Variants in THAP4 observed in about 807,000 individuals in gnomAD.
THAP4 encodes peroxynitrite isomerase THAP4.
Under a neutral mutation model 48.1 loss-of-function variants are expected in THAP4, and 18 were observed. The ratio of observed to expected loss-of-function variants is 0.37; its 90% CI spans 0.26 to 0.56. The LOEUF (loss-of-function observed/expected upper bound fraction) is 0.56. Ranked by LOEUF, THAP4 falls within the 20% of genes least tolerant of loss-of-function variation. The pLI, the probability that THAP4 is intolerant of heterozygous loss-of-function variation, is 0.78. For synonymous variants in THAP4, 345 were observed against 324.9 expected (o/e 1.06, Z -0.66); for missense variants, 656 against 774.9 (o/e 0.85, Z 1.82).
chr2:241,634,070 TA>T lies in THAP4; in HGVS notation c.86del (p.Leu29GlnfsTer7). On this transcript the variant is annotated frameshift_variant, in exon 2 of 6. Coordinates refer to ENST00000407315, the MANE Select transcript of THAP4 (RefSeq NM_015963.6). LOFTEE classifies it high-confidence loss of function. ...KRAVSFHRFP[L>X]KDSKRLIQWL... The stretch of plus-strand genomic sequence containing the variant: ...ATTGGATTAGACGTTTTGAGTCCTT[TA>T]GGGGGAACCTACAGGACAAATGACA... 3 of 1,568,922 alleles carry T rather than the reference TA, an allele frequency of 1.9e-6. No individual in the cohort carries two copies. Among genetic ancestry groups the T allele is most frequent in the Non-Finnish European group, 2.6e-6 (3 of 1,156,672 alleles).
chr2:241,603,944 G>A (rs2125077843), intron 3 of THAP4, among the ~76,000 whole-genome samples: 1 of 149,616 alleles, frequency 6.7e-6, no homozygotes, highest in East Asian at 2.0e-4. Flanking sequence ...TTGAGCCTAG[G>A]AATTTGAGAC....
chr2:241,620,065 G>C (rs1308573876), intron 2 of THAP4, among the ~76,000 whole-genome samples: 1 of 83,576 alleles, frequency 1.2e-5, no homozygotes, highest in African/African-American at 4.5e-5. Context: ...GTGAGTGAGG[G>C]GTGAGTGAGT....
In THAP4 at chr2:241,610,465, C is replaced by T. The variant is rs932150902; in HGVS notation, c.1241-3992G>A. Among the ~76,000 whole-genome samples the T allele has an allele frequency of 1.6e-4, 25 of 152,180 alleles. No individual in the cohort carries two copies. The highest frequency in any genetic ancestry group is 1.6e-3 in the Admixed American group (25 of 15,282). ...GGTGGGGCGCGCTCACTGGCTGCCA[C>T]CTCACCTAGCAGGCGTCACAGGGCT... On this transcript the variant is annotated intron_variant, in intron 2 of 5. Coordinates refer to ENST00000407315, the MANE Select transcript of THAP4 (RefSeq NM_015963.6). The surrounding 1 kb of genome is among the most constrained non-coding windows in gnomAD (Gnocchi z 4.2).
At chr2:241,598,980 G>A (rs1018563889) in intron 5 of THAP4, among the ~76,000 whole-genome samples, 1 of 151,868 alleles carries the variant, frequency 6.6e-6, no homozygotes, top group African/African-American at 2.4e-5. Context: ...CCGGCTGGGC[G>A]CAGTGGCTCA....
At chr2:241,604,854 G>A (rs2067159816) in intron 3 of THAP4, among the ~76,000 whole-genome samples, 1 of 152,184 alleles carries the variant, frequency 6.6e-6, no homozygotes, top group African/African-American at 2.4e-5. Context: ...CACCGCGCTG[G>A]GCCAAGATAA....
intron 2 of THAP4, among the ~76,000 whole-genome samples, chr2:241,607,174 G>A (rs2067194376): frequency 6.6e-6 from 1 of 152,132 alleles, no homozygotes; most frequent in Non-Finnish European, 1.5e-5. Context: ...CCCACTAAGT[G>A]TGAAGGATGA....
chr2:241,626,955 A>C (rs187784348), intron 2 of THAP4, among the ~76,000 whole-genome samples: 1 of 152,320 alleles, frequency 6.6e-6, no homozygotes, highest in East Asian at 1.9e-4. Flanking sequence ...ACATGTCCCT[A>C]GTTTCACCAT....
intron 2 of THAP4, among the ~76,000 whole-genome samples, chr2:241,614,256 G>T (rs2067312044): frequency 6.6e-6 from 1 of 151,996 alleles, no homozygotes; most frequent in Non-Finnish European, 1.5e-5. Context: ...GCAATTCAGA[G>T]AGAGAGTCCA....
At chr2:241,596,264 TGGGA>T (rs1313364592) in intron 5 of THAP4, among the ~76,000 whole-genome samples, 1 of 150,824 alleles carries the variant, frequency 6.6e-6, no homozygotes, top group Non-Finnish European at 1.5e-5. Flanking sequence ...CCCAGCATTC[TGGGA>T]GGCTGAGGAG....
intron 5 of THAP4, among the ~76,000 whole-genome samples, chr2:241,599,810 T>C (rs2067090976): frequency 6.6e-6 from 1 of 151,998 alleles, no homozygotes; most frequent in Non-Finnish European, 1.5e-5. Flanking sequence ...AGTAAGAAAA[T>C]TTGGAGAAAA....
At chr2:241,604,932 C>G (rs1466386308) in intron 3 of THAP4, among the ~76,000 whole-genome samples, 1 of 152,164 alleles carries the variant, frequency 6.6e-6, no homozygotes, top group Non-Finnish European at 1.5e-5. Flanking sequence ...ATAACCCCGA[C>G]AAAGAAATAC....
chr2:241,625,603 A>G (rs1049370329), intron 2 of THAP4, among the ~76,000 whole-genome samples: 16 of 151,370 alleles, frequency 1.1e-4, no homozygotes, highest in Middle Eastern at 3.4e-3. Context: ...GAGACCATCC[A>G]TGGCTAACAC....
intron 2 of THAP4, among the ~76,000 whole-genome samples, chr2:241,624,983 T>C (rs930315641): frequency 6.6e-6 from 1 of 152,210 alleles, no homozygotes; most frequent in Non-Finnish European, 1.5e-5. Flanking sequence ...ATTTTTTTAT[T>C]ATGTCACAGC....
intron 5 of THAP4, among the ~76,000 whole-genome samples, chr2:241,593,805 C>T (rs1366649643): frequency 1.3e-5 from 2 of 152,110 alleles, no homozygotes; most frequent in Non-Finnish European, 2.9e-5. Context: ...TCCCACCTCA[C>T]CCTCTCAAGT....
At chr2:241,585,922 A>AG (rs939298296) in intron 5 of THAP4, among the ~76,000 whole-genome samples, 2 of 144,440 alleles carry the variant, frequency 1.4e-5, no homozygotes, top group African/African-American at 5.1e-5. Flanking sequence ...CAAAAAAAAA[A>AG]AAAAAAAGAA....
At chr2:241,604,728 T>C (rs1339684614) in intron 3 of THAP4, among the ~76,000 whole-genome samples, 1 of 150,954 alleles carries the variant, frequency 6.6e-6, no homozygotes, top group Non-Finnish European at 1.5e-5. Context: ...CTTATTTATT[T>C]ATTAAAACAA....
At chr2:241,599,911 C>T (rs555850335) in intron 5 of THAP4, among the ~76,000 whole-genome samples, 56 of 152,186 alleles carry the variant, frequency 3.7e-4, no homozygotes, top group African/African-American at 1.2e-3. Flanking sequence ...GACAAGCAGA[C>T]GAAGAAAGAC....
In THAP4 at chr2:241,610,782, G is replaced by T. The variant is rs2125083697; in HGVS notation, c.1241-4309C>A. Among the ~76,000 whole-genome samples the T allele has an allele frequency of 6.6e-6, 1 of 152,222 alleles. No individual in the cohort carries two copies. The highest frequency in any genetic ancestry group is 2.1e-4 in the South Asian group (1 of 4,812). ...GAGGAGGCGCTCCTTAAATGGGGAA[G>T]AAAGACGGACAGAGCCAGGGACAGC... On this transcript the variant is annotated intron_variant, in intron 2 of 5. Coordinates refer to ENST00000407315, the MANE Select transcript of THAP4 (RefSeq NM_015963.6). The surrounding 1 kb of genome is among the most constrained non-coding windows in gnomAD (Gnocchi z 4.2).
intron 5 of THAP4, among the ~76,000 whole-genome samples, chr2:241,597,511 T>C (rs1030514184): frequency 3.9e-5 from 6 of 152,098 alleles, no homozygotes; most frequent in Non-Finnish European, 4.4e-5. Context: ...CCAATACATA[T>C]TGGAAAGATG....
Sources: gnomAD v4.1 joint callset for allele counts (sites outside exome capture counted in the v4.1 genomes callset) on GRCh38, gnomAD v4.1.1 for gene constraint, Gnocchi (gnomAD v3.1) non-coding constraint, MANE v1.5 for transcripts, NCBI Gene and HGNC (gene_info 2026-07-23, HGNC 2026-07-21) for gene names.